The following FBXO34 variants were observed in gnomAD, a reference collection of about 807,000 sequenced individuals.
FBXO34 encodes the protein F-box only protein 34.
Under a neutral mutation model 24.5 loss-of-function variants are expected in FBXO34, and 12 were observed. The ratio of observed to expected loss-of-function variants is 0.49; its 90% CI spans 0.31 to 0.79. The LOEUF is 0.79. Among genes scored for constraint, FBXO34 ranks in the 30% least tolerant of loss-of-function variants. The pLI, the probability that FBXO34 is intolerant of heterozygous loss-of-function variation, is 0.04. For missense variants in FBXO34, 823 were observed against 857.7 expected (o/e 0.96, Z 0.51); for synonymous variants, 320 against 311.9 (o/e 1.03, Z -0.27).
chr14:55,292,595 C>G (rs1242782103), intron 1 of FBXO34, among the ~76,000 whole-genome samples: 1 of 152,062 alleles, frequency 6.6e-6, no homozygotes, highest in East Asian at 1.9e-4. Flanking sequence ...CTGTTAGACT[C>G]AAGACCCTTC....
At chr14:55,395,845 C>T in the FBXO34 span, 28 of 945,282 alleles carry the variant, frequency 3.0e-5, no homozygotes, top group Admixed American at 7.2e-5. Context: ...CTGCTAAATA[C>T]GATTTTTAAA....
chr14:55,441,352 C>T, the FBXO34 span, among the ~76,000 whole-genome samples: 5 of 151,930 alleles, frequency 3.3e-5, no homozygotes, highest in Non-Finnish European at 5.9e-5. Flanking sequence ...GACAAGGTCT[C>T]GGTATGTTAC....
At chr14:55,395,332 A>G in the FBXO34 span, 4 of 244,648 alleles carry the variant, frequency 1.6e-5, no homozygotes, top group African/African-American at 9.4e-5. Context: ...CGCCTCTCCC[A>G]AACTCTTTAA....
chr14:55,295,387 A>ATTTTTTTTTTT (rs3051307), intron 1 of FBXO34, among the ~76,000 whole-genome samples: 36 of 91,364 alleles, frequency 3.9e-4, no homozygotes, highest in Middle Eastern at 9.4e-3. Flanking sequence ...ATTCTTTTCT[A>ATTTTTTTTTTT]TTTTTTTTTT....
At chr14:55,383,534 A>G in the FBXO34 span, among the ~76,000 whole-genome samples, 1 of 151,602 alleles carries the variant, frequency 6.6e-6, no homozygotes, top group Admixed American at 6.6e-5. Flanking sequence ...CTGGGTGACA[A>G]AGCGAGACTC....
the FBXO34 span, among the ~76,000 whole-genome samples, chr14:55,392,969 T>C: frequency 3.3e-5 from 5 of 152,168 alleles, no homozygotes; most frequent in Admixed American, 6.5e-5. Context: ...ATTGAAGTCT[T>C]AGATAGAAAA....
the FBXO34 span, among the ~76,000 whole-genome samples, chr14:55,419,907 G>A: frequency 6.6e-6 from 1 of 152,174 alleles, no homozygotes; most frequent in African/African-American, 2.4e-5. Flanking sequence ...CCATTATTGA[G>A]ATACTGCTTT....
chr14:55,407,173 G>A, the FBXO34 span, among the ~76,000 whole-genome samples: 4 of 152,110 alleles, frequency 2.6e-5, no homozygotes, highest in Non-Finnish European at 4.4e-5. Context: ...TCTCTCGCCA[G>A]GCTGGAGTGC....
intron 1 of FBXO34, among the ~76,000 whole-genome samples, chr14:55,317,817 A>T (rs2140014728): frequency 6.6e-6 from 1 of 152,220 alleles, no homozygotes; most frequent in Non-Finnish European, 1.5e-5. Flanking sequence ...GTTCACTTAA[A>T]CTGTCCCACC....
At chr14:55,362,255 A>T (rs1884603087), downstream of FBXO34, among the ~76,000 whole-genome samples, 1 of 152,244 alleles carries the variant, frequency 6.6e-6, no homozygotes, top group Non-Finnish European at 1.5e-5. Context: ...GTTAGAATAC[A>T]CACATTTATT....
the FBXO34 span, among the ~76,000 whole-genome samples, chr14:55,411,428 A>T: frequency 6.6e-6 from 1 of 152,174 alleles, no homozygotes; most frequent in Non-Finnish European, 1.5e-5. Flanking sequence ...TCTGGCCCCT[A>T]CGCTGTCCTC....
chr14:55,355,946 T>C (rs1168162828), downstream of FBXO34, among the ~76,000 whole-genome samples: 2 of 152,232 alleles, frequency 1.3e-5, no homozygotes, highest in African/African-American at 4.8e-5. Flanking sequence ...GCTGGTCTCA[T>C]GGGAGCATCC....
intron 1 of FBXO34, among the ~76,000 whole-genome samples, chr14:55,345,009 G>A (rs540868539): frequency 3.9e-5 from 6 of 152,154 alleles, no homozygotes; most frequent in South Asian, 2.1e-4. Context: ...GATAATAAAC[G>A]GGTAGGGCTG....
chr14:55,377,925 G>T, the FBXO34 span: 1 of 1,593,182 alleles, frequency 6.3e-7, no homozygotes, highest in Non-Finnish European at 8.5e-7. Flanking sequence ...TTAAAGAATT[G>T]GTTAATATTT....
At chr14:55,411,855 T>C in the FBXO34 span, 20 of 1,547,778 alleles carry the variant, frequency 1.3e-5, no homozygotes, top group Non-Finnish European at 1.7e-5. Flanking sequence ...TCACGTGGGA[T>C]TTTGTTTTCA....
chr14:55,351,661 C>T lies in FBXO34; in HGVS notation c.1271C>T (p.Ala424Val). The change falls in exon 2 of 2, where the codon GCC becomes GTC. Residue 424 changes from alanine to valine, a missense_variant. This residue lies in a region of FBXO34 where 693 missense variants were observed against 659.1 expected (regional missense o/e 1.05). Transcript: ENST00000313833. ...TTTTCCTCTCATACCTATTCCCAAGCCTCTGAATTGCCCACAGATGCTGTT... is the reference window on the plus strand; with the variant it reads ...TTTTCCTCTCATACCTATTCCCAAGTCTCTGAATTGCCCACAGATGCTGTT... ...LPFSSHTYSQASELPTDAVDC... is the reference protein window; with the variant it reads ...LPFSSHTYSQVSELPTDAVDC... 1 of 1,614,144 alleles carries T rather than the reference C, an allele frequency of 6.2e-7. No individual in the cohort carries two copies.
intron 1 of FBXO34, among the ~76,000 whole-genome samples, chr14:55,275,593 A>G (rs1169949534): frequency 6.6e-6 from 1 of 151,812 alleles, no homozygotes; most frequent in East Asian, 1.9e-4. Flanking sequence ...GGCGGGCAGA[A>G]CACGAGGTCA....
intron 1 of FBXO34, among the ~76,000 whole-genome samples, chr14:55,325,314 T>C (rs762870313): frequency 1.1e-4 from 17 of 152,208 alleles, no homozygotes; most frequent in Non-Finnish European, 1.5e-4. Flanking sequence ...TCTAGACTTA[T>C]AAATATTTTA....
chr14:55,364,542 A>G (rs1407396150), downstream of FBXO34, among the ~76,000 whole-genome samples: 2 of 151,928 alleles, frequency 1.3e-5, no homozygotes, highest in Non-Finnish European at 2.9e-5. Flanking sequence ...CTCCCGCCTC[A>G]GCCTCTTGAG....
Sources: allele counts gnomAD v4.1 joint callset (sites outside exome capture counted in the v4.1 genomes callset), GRCh38; gene constraint gnomAD v4.1.1; regional missense constraint gnomAD v4.1.1; transcripts MANE v1.5; gene names NCBI Gene and HGNC (gene_info 2026-07-23, HGNC 2026-07-21).